Variants in SPAG16 observed in about 807,000 individuals in gnomAD.
SPAG16 encodes the protein sperm associated antigen 16, also known as sperm-associated antigen 16 protein.
SPAG16 carries 86 observed loss-of-function variants against 80.4 expected under a neutral mutation model. The ratio of observed to expected loss-of-function variants is 1.07; its 90% CI spans 0.90 to 1.28. The LOEUF (loss-of-function observed/expected upper bound fraction) is 1.28. SPAG16 is among the 50% of genes most tolerant of loss of function. SPAG16 has a pLI of 0.00. For missense variants in SPAG16, 870 were observed against 765.3 expected (o/e 1.14, Z -1.61); for synonymous variants, 294 against 265.9 (o/e 1.11, Z -1.03).
chr2:214,301,954 A>G (rs1694580476), intron 15 of SPAG16, among the ~76,000 whole-genome samples: 3 of 151,940 alleles, frequency 2.0e-5, no homozygotes. Context: ...GCTCTCTCCT[A>G]TAGGTTTTGG....
chr2:214,193,395 ATGTG>A (rs60839638), intron 15 of SPAG16, among the ~76,000 whole-genome samples: 1,514 of 124,334 alleles, frequency 0.012, 24 homozygotes, highest in African/African-American at 0.035. Flanking sequence ...GAGATCTTTT[ATGTG>A]TGTGTGTGTG....
intron 9 of SPAG16, among the ~76,000 whole-genome samples, chr2:213,403,273 T>C (rs1049954721): frequency 5.9e-5 from 9 of 152,174 alleles, no homozygotes; most frequent in Non-Finnish European, 7.4e-5. Context: ...TTGATGGGGT[T>C]GTTTGTTTTT....
chr2:213,756,262 C>T (rs1166163201), intron 10 of SPAG16, among the ~76,000 whole-genome samples: 1 of 152,170 alleles, frequency 6.6e-6, no homozygotes, highest in Non-Finnish European at 1.5e-5. Flanking sequence ...AGGTGGATCA[C>T]CTGAGGTCAG....
At chr2:213,922,356 A>T (rs2078264337) in intron 11 of SPAG16, among the ~76,000 whole-genome samples, 2 of 152,038 alleles carry the variant, frequency 1.3e-5, no homozygotes, top group African/African-American at 4.8e-5. Flanking sequence ...TTCTTGTAGT[A>T]TGTTTCTTAT....
At chr2:213,597,437 A>G (rs2060920350) in intron 10 of SPAG16, among the ~76,000 whole-genome samples, 1 of 152,198 alleles carries the variant, frequency 6.6e-6, no homozygotes, top group Non-Finnish European at 1.5e-5. Flanking sequence ...TACAAACAAC[A>G]ACATTTCAAA....
intron 9 of SPAG16, among the ~76,000 whole-genome samples, 176 bp from the exon 10 acceptor site, chr2:213,489,787 T>C (rs1317017427): frequency 6.6e-6 from 1 of 151,528 alleles, no homozygotes; most frequent in East Asian, 1.9e-4. Flanking sequence ...ATTTGCCTTA[T>C]TTAAAATTTT....
intron 10 of SPAG16, among the ~76,000 whole-genome samples, chr2:213,678,322 A>G (rs1391832501): frequency 6.6e-6 from 1 of 150,576 alleles, no homozygotes; most frequent in Non-Finnish European, 1.5e-5. Context: ...AAATTAACGA[A>G]TCCAGGAGCT....
At chr2:214,374,207 A>G (rs1699989286) in intron 15 of SPAG16, among the ~76,000 whole-genome samples, 1 of 152,232 alleles carries the variant, frequency 6.6e-6, no homozygotes, top group Non-Finnish European at 1.5e-5. Flanking sequence ...ATTATGTTAA[A>G]TGAACTTCCA....
chr2:214,068,378 G>A lies in SPAG16; in HGVS notation c.1528-39818G>A, dbSNP rs138108279. Among the ~76,000 whole-genome samples, 18 of 152,080 alleles carry A rather than the reference G, an allele frequency of 1.2e-4. No individual in the cohort carries two copies. The East Asian group carries it at 2.7e-3, about 23-fold the overall frequency. The stretch of plus-strand genomic sequence containing the variant: ...CATTATGTTGAACTCAGAATAAAAG[G>A]CATATTTTAACTGGACATAGAGCCT... On this transcript the variant is annotated intron_variant, in intron 13 of 15. Transcript: ENST00000331683.
At chr2:214,080,036 C>T (rs1200429881) in intron 13 of SPAG16, among the ~76,000 whole-genome samples, 1 of 152,034 alleles carries the variant, frequency 6.6e-6, no homozygotes, top group African/African-American at 2.4e-5. Flanking sequence ...TAAGACAAAC[C>T]TAACAGAAAT....
intron 15 of SPAG16, among the ~76,000 whole-genome samples, chr2:214,310,481 T>C (rs1327543846): frequency 2.2e-5 from 3 of 136,712 alleles, no homozygotes; most frequent in Admixed American, 2.1e-4. Flanking sequence ...TTTTGTTTTG[T>C]TTTGGTTTTT....
At chr2:213,624,391 A>C (rs1028633968) in intron 10 of SPAG16, among the ~76,000 whole-genome samples, 1 of 152,152 alleles carries the variant, frequency 6.6e-6, no homozygotes, top group Non-Finnish European at 1.5e-5. Context: ...TTCTCTAAGA[A>C]TATATCTCTA....
intron 10 of SPAG16, among the ~76,000 whole-genome samples, chr2:213,628,908 T>C (rs1175844885): frequency 6.6e-6 from 1 of 152,220 alleles, no homozygotes; most frequent in Non-Finnish European, 1.5e-5. Flanking sequence ...GTGTTGTTTG[T>C]ATTAAGCACT....
intron 10 of SPAG16, among the ~76,000 whole-genome samples, chr2:213,849,770 G>T (rs1575345706): frequency 1.3e-5 from 2 of 152,204 alleles, no homozygotes; most frequent in Middle Eastern, 3.4e-3. Context: ...TCATTCCAAA[G>T]AATCTACTCT....
chr2:213,721,822 A>C (rs2066547667), intron 10 of SPAG16, among the ~76,000 whole-genome samples: 1 of 152,244 alleles, frequency 6.6e-6, no homozygotes, highest in African/African-American at 2.4e-5. Flanking sequence ...ATGATTCTTT[A>C]TCTTATCCAA....
chr2:214,183,934 G>A (rs1435524645), intron 15 of SPAG16, among the ~76,000 whole-genome samples: 1 of 152,050 alleles, frequency 6.6e-6, no homozygotes, highest in Non-Finnish European at 1.5e-5. Context: ...ACATTTGGGG[G>A]TTTTGACATA....
chr2:213,804,205 A>G (rs1222440103), intron 10 of SPAG16, among the ~76,000 whole-genome samples: 3 of 152,228 alleles, frequency 2.0e-5, no homozygotes, highest in Non-Finnish European at 2.9e-5. Flanking sequence ...GGACTCAGAC[A>G]TAGTCAAGTA....
chr2:214,137,961 A>G, intron 14 of SPAG16, among the ~76,000 whole-genome samples: 1 of 152,180 alleles, frequency 6.6e-6, no homozygotes, highest in South Asian at 2.1e-4. Context: ...CCCCAAATCA[A>G]ACTAATTTAA....
At chr2:213,949,372 G>T (rs1408195123) in intron 12 of SPAG16, among the ~76,000 whole-genome samples, 1 of 151,810 alleles carries the variant, frequency 6.6e-6, no homozygotes, top group East Asian at 1.9e-4. Flanking sequence ...TTTCACCATT[G>T]TTGGCCAGAT....
Sources: allele counts gnomAD v4.1 joint callset (sites outside exome capture counted in the v4.1 genomes callset), GRCh38; gene constraint gnomAD v4.1.1; transcripts MANE v1.5; gene names NCBI Gene and HGNC (gene_info 2026-07-23, HGNC 2026-07-21).